The following FRMPD4 variants were observed in gnomAD, a reference collection of about 807,000 sequenced individuals.
The protein encoded by FRMPD4 is FERM and PDZ domain containing 4, also known as FERM and PDZ domain-containing protein 4.
In FRMPD4, 22 loss-of-function variants were observed where a neutral mutation model predicts 94.1. That is an observed-to-expected ratio of 0.23 (90% CI 0.17 to 0.33). FRMPD4 has a LOEUF of 0.33. Ranked by LOEUF, FRMPD4 falls within the 10% of genes least tolerant of loss-of-function variation. The pLI is 1.00. For synonymous variants in FRMPD4, 631 were observed against 548.6 expected (o/e 1.15, Z -2.10); for missense variants, 1,111 against 1,339.9 (o/e 0.83, Z 2.67).
intron 2 of FRMPD4, among the ~76,000 whole-genome samples, chrX:11,870,201 A>G (rs1002599414): frequency 8.9e-6 from 1 of 111,930 alleles, no homozygotes; most frequent in Non-Finnish European, 1.9e-5. Flanking sequence ...TTGCAAATCT[A>G]TGGAAATTTA....
At chrX:12,118,724 A>C (rs1311417724) in intron 3 of FRMPD4, among the ~76,000 whole-genome samples, 4 of 111,859 alleles carry the variant, frequency 3.6e-5, no homozygotes, top group Non-Finnish European at 7.5e-5. Context: ...TGCTCAAACT[A>C]GCTGATGTAA....
intron 3 of FRMPD4, among the ~76,000 whole-genome samples, chrX:12,027,312 G>A (rs2054666499): frequency 8.9e-6 from 1 of 112,057 alleles, no homozygotes; most frequent in African/African-American, 3.2e-5. Context: ...AATTCAGTTT[G>A]TTCTCTCATC....
chrX:12,352,088 G>T (rs780533070), intron 1 of FRMPD4, among the ~76,000 whole-genome samples: 2 of 111,976 alleles, frequency 1.8e-5, no homozygotes, highest in South Asian at 7.5e-4. Flanking sequence ...GTTTTCCCAA[G>T]TGTTAGCACC....
At chrX:12,373,427 G>C (rs1328675897) in intron 1 of FRMPD4, among the ~76,000 whole-genome samples, 1 of 112,070 alleles carries the variant, frequency 8.9e-6, no homozygotes, top group Non-Finnish European at 1.9e-5. Flanking sequence ...ACTCTACAGA[G>C]TGGTTGCTTT....
At chrX:12,451,106 G>A (rs935461857) in intron 1 of FRMPD4, among the ~76,000 whole-genome samples, 4 of 111,091 alleles carry the variant, frequency 3.6e-5, no homozygotes, top group Non-Finnish European at 7.5e-5. Context: ...TAGGATCTGC[G>A]CACTGGCTCT....
chrX:11,863,623 C>T (rs1274414689), intron 1 of FRMPD4, among the ~76,000 whole-genome samples: 1 of 110,801 alleles, frequency 9.0e-6, no homozygotes, highest in Non-Finnish European at 1.9e-5. Flanking sequence ...CAACCAAAGT[C>T]ATAAATATTA....
chrX:12,207,386 C>A (rs750689350), intron 1 of FRMPD4, among the ~76,000 whole-genome samples: 7 of 110,871 alleles, frequency 6.3e-5, no homozygotes, highest in African/African-American at 2.3e-4. Context: ...TAAAAAGAAA[C>A]GTTGAATCAG....
chrX:12,370,673 G>C (rs1414990810), intron 1 of FRMPD4, among the ~76,000 whole-genome samples: 1 of 112,606 alleles, frequency 8.9e-6, no homozygotes, highest in Non-Finnish European at 1.9e-5. Flanking sequence ...AAAGATAAAA[G>C]TATTACGTGA....
chrX:12,353,583 A>G (rs1323274758), intron 1 of FRMPD4, among the ~76,000 whole-genome samples: 1 of 112,024 alleles, frequency 8.9e-6, no homozygotes, highest in Non-Finnish European at 1.9e-5. Flanking sequence ...ACCTTTTGTA[A>G]TACCCTGTAT....
chrX:11,824,322 C>G (rs2053428196), intron 1 of FRMPD4, among the ~76,000 whole-genome samples: 1 of 111,596 alleles, frequency 9.0e-6, no homozygotes, highest in Non-Finnish European at 1.9e-5. Flanking sequence ...GGAGAGATAG[C>G]AGGACTAGAT....
intron 3 of FRMPD4, among the ~76,000 whole-genome samples, chrX:12,056,925 T>C (rs778704323): frequency 2.9e-4 from 33 of 112,206 alleles, no homozygotes; most frequent in Non-Finnish European, 4.7e-4. Context: ...ACTTACAAAA[T>C]ATAGTCTGCT....
intron 1 of FRMPD4, among the ~76,000 whole-genome samples, chrX:12,356,017 G>C (rs2055889830): frequency 8.9e-6 from 1 of 111,741 alleles, no homozygotes; most frequent in African/African-American, 3.3e-5. Flanking sequence ...GGCCCGGCTA[G>C]CAAAGAGGAT....
chrX:12,021,056 A>G (rs1446249674), intron 3 of FRMPD4, among the ~76,000 whole-genome samples: 2 of 111,952 alleles, frequency 1.8e-5, no homozygotes, highest in African/African-American at 3.2e-5. Flanking sequence ...GCTGACTATA[A>G]GAGATTATTT....
intron 3 of FRMPD4, among the ~76,000 whole-genome samples, chrX:11,942,966 T>G (rs950131205): frequency 6.2e-5 from 7 of 112,153 alleles, no homozygotes; most frequent in African/African-American, 1.9e-4. Flanking sequence ...TCATATAAAT[T>G]GGATCTATTT....
At chrX:12,478,327 C>G (rs904314238) in intron 1 of FRMPD4, among the ~76,000 whole-genome samples, 1 of 111,471 alleles carries the variant, frequency 9.0e-6, no homozygotes, top group Non-Finnish European at 1.9e-5. Flanking sequence ...GTAATCCCAC[C>G]CCTTGGGAGG....
chrX:12,638,948 T>C lies in FRMPD4; in HGVS notation c.422+24067T>C, dbSNP rs754439543. Among the ~76,000 whole-genome samples, 3 of 111,750 alleles carry C rather than the reference T, an allele frequency of 2.7e-5. No individual in the cohort carries two copies. The South Asian group carries it at 1.1e-3, about 43-fold the overall frequency. On this transcript the variant is annotated intron_variant, in intron 4 of 16. Coordinates refer to ENST00000675598, the MANE Select transcript of FRMPD4 (RefSeq NM_001368397.1). The stretch of plus-strand genomic sequence containing the variant: ...TTATGGCTGTCCGCAGCTTGTTTTC[T>C]TGTAGATTCCCAGGATGAGGAATCT...
intron 3 of FRMPD4, among the ~76,000 whole-genome samples, chrX:12,060,265 TG>T (rs1185232653): frequency 2.0e-5 from 2 of 98,477 alleles, no homozygotes; most frequent in African/African-American, 8.3e-5. Context: ...CACTAGGAAC[TG>T]GTTTTTTTTT....
intron 1 of FRMPD4, among the ~76,000 whole-genome samples, chrX:12,232,326 C>G (rs1298354000): frequency 9.0e-6 from 1 of 111,685 alleles, no homozygotes; most frequent in East Asian, 2.8e-4. Context: ...CCTCAGGAAA[C>G]TTACAATCAT....
At chrX:11,846,010 G>C (rs1417188465) in intron 1 of FRMPD4, among the ~76,000 whole-genome samples, 1 of 102,704 alleles carries the variant, frequency 9.7e-6, no homozygotes, top group Non-Finnish European at 2.0e-5. Context: ...ATTCAACATA[G>C]TGTTGGAAGT....
Sources: allele counts gnomAD v4.1 joint callset (sites outside exome capture counted in the v4.1 genomes callset), GRCh38; gene constraint gnomAD v4.1.1; transcripts MANE v1.5; gene names NCBI Gene and HGNC (gene_info 2026-07-23, HGNC 2026-07-21).